CR1L: variants seen among roughly 807,000 people sequenced by gnomAD.
The protein encoded by CR1L is complement component receptor 1-like protein.
CR1L carries 59 observed loss-of-function variants against 62.3 expected under a neutral mutation model. That is an observed-to-expected ratio of 0.95 (90% CI 0.77 to 1.18). The LOEUF (loss-of-function observed/expected upper bound fraction) is 1.18, where lower values mean the gene tolerates loss of function less well. Among genes scored for constraint, CR1L ranks in the 50% most tolerant of loss-of-function variants. The pLI is 0.00. For synonymous variants in CR1L, 279 were observed against 248.7 expected (o/e 1.12, Z -1.15); for missense variants, 700 against 702.8 (o/e 1.00, Z 0.04).
At chr1:207,658,752 C>G (rs1663358352) in intron 1 of CR1L, 1 of 152,318 alleles carries the variant, frequency 6.6e-6, no homozygotes, top group South Asian at 2.1e-4. Context: ...CCATGCCCCC[C>G]ACTTCGGAGA....
In CR1L at chr1:207,677,505, A is replaced by G. The variant is rs1489989998; in HGVS notation, c.214A>G (p.Arg72Gly). Residue 72 changes from arginine (R) to glycine (G), a missense_variant, in exon 2 of 12, where the codon AGA (arginine) becomes GGA (glycine). Arg to Gly is a moderately radical substitution (Grantham distance 125). Coordinates refer to ENST00000508064, the MANE Select transcript of CR1L (RefSeq NM_175710.2). ...NYECRPGYSG[R>G]PFSIICLKNS... ...TGAATGCCGCCCTGGTTATTCCGGAAGACCGTTTTCTATCATCTGCCTAAA... is the reference window on the plus strand; with the variant it reads ...TGAATGCCGCCCTGGTTATTCCGGAGGACCGTTTTCTATCATCTGCCTAAA... 1 of 1,613,898 alleles carries G rather than the reference A, an allele frequency of 6.2e-7. No individual in the cohort carries two copies. The highest frequency in any genetic ancestry group is 1.1e-5 in the South Asian group (1 of 91,070).
chr1:207,649,196 A>T (rs1349448059), intron 1 of CR1L, among the ~76,000 whole-genome samples: 2 of 152,190 alleles, frequency 1.3e-5, no homozygotes, highest in African/African-American at 4.8e-5. Context: ...AGAGCTGAGC[A>T]GGAGTTGTAG....
At chr1:207,689,744 T>TTTG (rs949605669) in intron 4 of CR1L, among the ~76,000 whole-genome samples, 4 of 151,784 alleles carry the variant, frequency 2.6e-5, no homozygotes, top group African/African-American at 7.2e-5. Context: ...GACCTGAGGG[T>TTTG]TTGTTGTTGT....
intron 10 of CR1L, among the ~76,000 whole-genome samples, chr1:207,715,943 T>C (rs2761419): frequency 0.97 from 147,775 of 152,252 alleles, 71,857 homozygotes; most frequent in East Asian, 1. Flanking sequence ...TATCCTCCCA[T>C]CTTGGCCTCC....
intron 10 of CR1L, among the ~76,000 whole-genome samples, chr1:207,712,804 C>T (rs1664379494): frequency 6.6e-6 from 1 of 152,174 alleles, no homozygotes; most frequent in Admixed American, 6.5e-5. Context: ...TCCCTCATGG[C>T]CGTGTGCTGT....
chr1:207,689,996 C>T (rs2102465858), intron 4 of CR1L, among the ~76,000 whole-genome samples: 1 of 151,956 alleles, frequency 6.6e-6, no homozygotes, highest in East Asian at 1.9e-4. Flanking sequence ...TATCTTTTTG[C>T]TTCTTTTTCC....
intron 1 of CR1L, among the ~76,000 whole-genome samples, chr1:207,672,928 G>A (rs1236394993): frequency 6.6e-6 from 1 of 152,108 alleles, no homozygotes; most frequent in Non-Finnish European, 1.5e-5. Flanking sequence ...CATCAAAACT[G>A]TCCTACACAG....
chr1:207,650,772 A>G (rs966889788), intron 1 of CR1L, among the ~76,000 whole-genome samples: 1 of 148,010 alleles, frequency 6.8e-6, no homozygotes, highest in Non-Finnish European at 1.5e-5. Flanking sequence ...TGAACAGTTC[A>G]GTGGATGCAG....
At chr1:207,700,265 CTTATA>C (rs1000397680) in intron 8 of CR1L, among the ~76,000 whole-genome samples, 1 of 152,156 alleles carries the variant, frequency 6.6e-6, no homozygotes, top group Non-Finnish European at 1.5e-5. Context: ...AAGAACATAA[CTTATA>C]TAGAGATGCT....
intron 1 of CR1L, among the ~76,000 whole-genome samples, chr1:207,647,649 A>C (rs1663150638): frequency 6.6e-6 from 1 of 152,156 alleles, no homozygotes. Context: ...TGGGGCTTAG[A>C]GCCTAGGAAA....
intron 10 of CR1L, among the ~76,000 whole-genome samples, chr1:207,715,027 T>C (rs891506094): frequency 6.6e-6 from 1 of 152,204 alleles, no homozygotes. Context: ...ATGCCTTCTG[T>C]AGGTGATGCT....
Position 207,723,126 on chromosome 1 carries a change from C to T in CR1L, c.1643-492C>T, listed in dbSNP as rs75571211. On this transcript the variant is annotated intron_variant, in intron 11 of 11. Transcript: ENST00000508064. ...TTCTTCTGTAATTGTATTACTTTTA[C>T]GAGAAAAATATTAATTTTTAAAGTC... is the stretch of plus-strand genomic sequence containing the variant. Among the ~76,000 whole-genome samples, 272 of 152,158 alleles carry T rather than the reference C, an allele frequency of 1.8e-3. 2 individuals carry two copies. The highest frequency in any genetic ancestry group is 6.3e-3 in the African/African-American group (263 of 41,510).
intron 1 of CR1L, among the ~76,000 whole-genome samples, chr1:207,661,260 T>A (rs1215624687): frequency 2.6e-5 from 4 of 152,316 alleles, no homozygotes; most frequent in African/African-American, 9.6e-5. Flanking sequence ...ACTCTCCCAT[T>A]ATTATTGTGT....
At chr1:207,672,254 A>C (rs945274601) in intron 1 of CR1L, among the ~76,000 whole-genome samples, 1 of 150,684 alleles carries the variant, frequency 6.6e-6, no homozygotes, top group Non-Finnish European at 1.5e-5. Flanking sequence ...AACACAGCAG[A>C]CTTCAGACGA....
chr1:207,691,956 T>C (rs981909812), intron 4 of CR1L, among the ~76,000 whole-genome samples: 3 of 152,166 alleles, frequency 2.0e-5, no homozygotes, highest in African/African-American at 7.2e-5. Context: ...GAAGAGGATT[T>C]ACGGACAGAA....
intron 3 of CR1L, among the ~76,000 whole-genome samples, chr1:207,679,351 C>T (rs1367540382): frequency 6.6e-6 from 1 of 151,836 alleles, no homozygotes; most frequent in Non-Finnish European, 1.5e-5. Flanking sequence ...TGGATTGGGG[C>T]CCACACTAAC....
chr1:207,664,501 G>T (rs1023455564), intron 1 of CR1L, among the ~76,000 whole-genome samples: 2 of 152,246 alleles, frequency 1.3e-5, no homozygotes, highest in African/African-American at 4.8e-5. Flanking sequence ...GGAAGAGATG[G>T]TTTTTTTAGT....
At position 207,694,660 on chromosome 1, in the gene CR1L, G is replaced by C. The variant is rs1360390557; in HGVS notation, c.771G>C (p.Arg257Ser). The change falls in exon 5 of 12, where the codon AGG (arginine) becomes AGC (serine). Residue 257 changes from arginine (R) to serine (S), a missense_variant. Arg to Ser is a moderately radical substitution (Grantham distance 110). Transcript: ENST00000508064. ...LFSLNEVVEF[R>S]CQPGFGMKGP... Reference sequence around the variant, plus strand: ...CCTTAAATGAAGTTGTGGAGTTTAGGTGTCAGCCTGGCTTTGGCATGAAAG... The same window carrying C: ...CCTTAAATGAAGTTGTGGAGTTTAGCTGTCAGCCTGGCTTTGGCATGAAAG... 5 of 1,611,878 alleles carry C rather than the reference G, an allele frequency of 3.1e-6. No individual in the cohort carries two copies. The East Asian group carries it at 8.9e-5, about 29-fold the overall frequency.
At chr1:207,710,749 A>G in intron 10 of CR1L, 2 of 1,609,140 alleles carry the variant, frequency 1.2e-6, no homozygotes, top group East Asian at 2.2e-5. Context: ...CAGGCCCTGA[A>G]CAAATGGGAG....
Sources: gnomAD v4.1 joint callset for allele counts (sites outside exome capture counted in the v4.1 genomes callset) on GRCh38, gnomAD v4.1.1 for gene constraint, MANE v1.5 for transcripts, NCBI Gene and HGNC (gene_info 2026-07-23, HGNC 2026-07-21) for gene names.